RGS3: variants seen among roughly 807,000 people sequenced by gnomAD.
RGS3 encodes regulator of G-protein signalling 3.
In RGS3, 80 loss-of-function variants were observed where a neutral mutation model predicts 132.6. The observed-to-expected ratio is 0.60, with a 90% CI of 0.50 to 0.73. RGS3 has a LOEUF of 0.73. Ranked by LOEUF, RGS3 falls within the 30% of genes least tolerant of loss-of-function variation. The pLI is 0.00. For synonymous variants in RGS3, 598 were observed against 620.6 expected (o/e 0.96, Z 0.54); for missense variants, 1,382 against 1,530.8 (o/e 0.90, Z 1.62).
intron 19 of RGS3, among the ~76,000 whole-genome samples, chr9:113,567,763 C>G (rs950495887): frequency 1.3e-5 from 2 of 152,224 alleles, no homozygotes; most frequent in Non-Finnish European, 2.9e-5. Flanking sequence ...TGTTGAAATG[C>G]AATGCTGAAG....
At chr9:113,583,756 C>G (rs1834949468) in exon 20 of RGS3, 1 of 1,614,158 alleles carries the variant, frequency 6.2e-7, no homozygotes, top group Non-Finnish European at 8.5e-7. Context: ...CTGCCAGGAC[C>G]TACCTGCTGG....
chr9:113,594,324 A>G, intron 21 of RGS3, 106 bp from the exon 20 acceptor site: 1 of 1,591,528 alleles, frequency 6.3e-7, no homozygotes, highest in Non-Finnish European at 8.6e-7. Context: ...TGCAGAGGCG[A>G]CACACGATGA....
At chr9:113,524,148 G>T (rs1032511968) in intron 17 of RGS3, among the ~76,000 whole-genome samples, 1 of 152,148 alleles carries the variant, frequency 6.6e-6, no homozygotes, top group Non-Finnish European at 1.5e-5. Context: ...CCTGCTGGAG[G>T]GCATTAGGTT....
chr9:113,583,330 C>G (rs1327408873), intron 19 of RGS3, 120 bp from the exon 18 acceptor site: 1 of 1,459,032 alleles, frequency 6.9e-7, no homozygotes, highest in East Asian at 2.5e-5. Context: ...GGCACCTCAG[C>G]TTTCAGACTG....
chr9:113,461,719 C>G (rs753710945), exon 2 of RGS3: 2 of 1,613,808 alleles, frequency 1.2e-6, no homozygotes, highest in East Asian at 2.2e-5. Context: ...CACATTCAGA[C>G]AGCACACCTT....
chr9:113,587,661 C>T (rs573863278), intron 20 of RGS3, among the ~76,000 whole-genome samples: 25 of 152,316 alleles, frequency 1.6e-4, no homozygotes, highest in Non-Finnish European at 3.1e-4. Context: ...ACGTTGTCTC[C>T]GGTCCACACC....
chr9:113,502,189 G>A (rs1029411296), intron 10 of RGS3, among the ~76,000 whole-genome samples: 1 of 152,166 alleles, frequency 6.6e-6, no homozygotes, highest in Non-Finnish European at 1.5e-5. Flanking sequence ...GTCTTAGAAA[G>A]GGGGAAGACT....
chr9:113,523,390 G>C (rs1181733794), intron 17 of RGS3, among the ~76,000 whole-genome samples: 1 of 152,198 alleles, frequency 6.6e-6, no homozygotes, highest in Non-Finnish European at 1.5e-5. Context: ...CTCTGAGACT[G>C]TTTCCTCCCG....
intron 7 of RGS3, among the ~76,000 whole-genome samples, chr9:113,494,206 T>TA (rs1830612444): frequency 6.6e-6 from 1 of 152,140 alleles, no homozygotes; most frequent in South Asian, 2.1e-4. Context: ...AGTATATTGA[T>TA]ACTGTCTTTT....
At chr9:113,563,846 G>A (rs1833888619) in intron 19 of RGS3, among the ~76,000 whole-genome samples, 1 of 152,208 alleles carries the variant, frequency 6.6e-6, no homozygotes, top group Non-Finnish European at 1.5e-5. Flanking sequence ...AGGGATACAG[G>A]CAGAAACATC....
intron 6 of RGS3, among the ~76,000 whole-genome samples, chr9:113,485,209 T>TCC (rs1830293496): frequency 1.3e-5 from 2 of 152,138 alleles, no homozygotes; most frequent in African/African-American, 4.8e-5. Flanking sequence ...TGCCTCAGCC[T>TCC]CTGGAGTAGC....
intron 19 of RGS3, chr9:113,582,195 C>T (rs1346377595): frequency 4.1e-6 from 4 of 985,356 alleles, no homozygotes. Flanking sequence ...AAAGACTTCT[C>T]AGCTTCGAGC....
intron 15 of RGS3, 99 bp downstream of exon 13, chr9:113,514,753 G>A: frequency 1.7e-6 from 2 of 1,166,946 alleles, no homozygotes; most frequent in Non-Finnish European, 2.4e-6. Flanking sequence ...TCCCAGGACT[G>A]AGGGCCCTGT....
exon 17 of RGS3, chr9:113,523,023 A>G: frequency 1.2e-6 from 2 of 1,612,808 alleles, no homozygotes; most frequent in South Asian, 2.2e-5. Flanking sequence ...CTACCTCCAG[A>G]GTGTGAAGCT....
At chr9:113,597,121 T>C in exon 25 of RGS3, 1 of 610,070 alleles carries the variant, frequency 1.6e-6, no homozygotes, top group Non-Finnish European at 2.8e-6. Context: ...AGGCCCAGGC[T>C]ACTGGAGGAG....
chr9:113,564,585 T>C (rs1275751967), intron 19 of RGS3, among the ~76,000 whole-genome samples: 1 of 152,158 alleles, frequency 6.6e-6, no homozygotes, highest in Non-Finnish European at 1.5e-5. Flanking sequence ...CAGGGCTTGT[T>C]CCACTGCCCC....
intron 19 of RGS3, among the ~76,000 whole-genome samples, chr9:113,571,032 G>C (rs1008100706): frequency 2.0e-5 from 3 of 152,164 alleles, no homozygotes; most frequent in Non-Finnish European, 4.4e-5. Context: ...GACTTCTTTT[G>C]ATCAGCATTT....
chr9:113,564,286 G>A (rs1266075971), intron 19 of RGS3, among the ~76,000 whole-genome samples: 1 of 152,176 alleles, frequency 6.6e-6, no homozygotes, highest in African/African-American at 2.4e-5. Context: ...TGTAACTGGG[G>A]TAATCATAGT....
intron 10 of RGS3, chr9:113,501,710 T>A: frequency 6.5e-6 from 9 of 1,383,870 alleles, no homozygotes; most frequent in Non-Finnish European, 7.9e-6. Context: ...AGGATCTCGC[T>A]CCTCACAAGG....
Sources: allele counts gnomAD v4.1 joint callset (sites outside exome capture counted in the v4.1 genomes callset), GRCh38; gene constraint gnomAD v4.1.1; transcripts MANE v1.5; gene names NCBI Gene and HGNC (gene_info 2026-07-23, HGNC 2026-07-21).